Variants in ALDH1A2 observed in about 807,000 individuals in gnomAD.
The protein encoded by ALDH1A2 is retinal dehydrogenase 2.
A neutral mutation model predicts 60.3 loss-of-function variants in ALDH1A2; 27 were observed. The observed-to-expected ratio is 0.45, with a 90% CI of 0.33 to 0.62. The LOEUF is 0.62. Among genes scored for constraint, ALDH1A2 ranks in the 20% least tolerant of loss-of-function variants. ALDH1A2 has a pLI of 0.02. For synonymous variants in ALDH1A2, 289 were observed against 232.4 expected, an observed-to-expected ratio of 1.24 and a Z score of -2.21; for missense variants, 581 against 643.8, an observed-to-expected ratio of 0.90 and a Z score of 1.06.
chr15:58,022,107 C>G (rs1895944542), intron 1 of ALDH1A2, among the ~76,000 whole-genome samples: 1 of 152,120 alleles, frequency 6.6e-6, no homozygotes, highest in Middle Eastern at 3.2e-3. Context: ...CTGCCTAGGG[C>G]CTAAGAATTG....
chr15:58,043,784 T>G (rs1896575019), intron 1 of ALDH1A2, among the ~76,000 whole-genome samples: 1 of 152,020 alleles, frequency 6.6e-6, no homozygotes, highest in Admixed American at 6.6e-5. Flanking sequence ...AAGATCATAC[T>G]TTAACAGCCA....
chr15:57,966,042 C>T (rs552046314), intron 7 of ALDH1A2, among the ~76,000 whole-genome samples: 1 of 152,142 alleles, frequency 6.6e-6, no homozygotes, highest in East Asian at 1.9e-4. Flanking sequence ...GCTTTAGTTT[C>T]GTGATGGAAG....
intron 1 of ALDH1A2, among the ~76,000 whole-genome samples, chr15:58,042,429 A>G (rs1896540001): frequency 6.6e-6 from 1 of 152,002 alleles, no homozygotes; most frequent in Non-Finnish European, 1.5e-5. Context: ...TACATAAGGA[A>G]CAGTAAAATA....
At chr15:58,000,169 G>A (rs1477634497) in intron 4 of ALDH1A2, among the ~76,000 whole-genome samples, 1 of 151,940 alleles carries the variant, frequency 6.6e-6, no homozygotes, top group Admixed American at 6.6e-5. Context: ...GTTTACCTGT[G>A]TAACAAACCT....
chr15:58,050,196 TAAA>T (rs4646573), intron 1 of ALDH1A2, among the ~76,000 whole-genome samples: 2 of 149,092 alleles, frequency 1.3e-5, no homozygotes, highest in Non-Finnish European at 3.0e-5. Flanking sequence ...TTGCTAGGGT[TAAA>T]AAAAAAAAGT....
chr15:58,059,240 A>G (rs1328125624), intron 1 of ALDH1A2, among the ~76,000 whole-genome samples: 2 of 152,248 alleles, frequency 1.3e-5, no homozygotes, highest in African/African-American at 4.8e-5. Flanking sequence ...CATTACAGCA[A>G]TCACCTCTAC....
chr15:57,959,637 G>A (rs1893656410), intron 12 of ALDH1A2, among the ~76,000 whole-genome samples: 1 of 152,014 alleles, frequency 6.6e-6, no homozygotes, highest in Non-Finnish European at 1.5e-5. Context: ...ATCCTCACAA[G>A]AACCCTGAGG....
chr15:58,044,498 C>T (rs1896593375), intron 1 of ALDH1A2, among the ~76,000 whole-genome samples: 1 of 152,126 alleles, frequency 6.6e-6, no homozygotes, highest in South Asian at 2.1e-4. Flanking sequence ...ACAATCAACA[C>T]AGGTGCCAGT....
intron 7 of ALDH1A2, among the ~76,000 whole-genome samples, chr15:57,981,824 A>G (rs1894525512): frequency 6.6e-6 from 1 of 152,240 alleles, no homozygotes; most frequent in Admixed American, 6.5e-5. Flanking sequence ...CACTCTAGAT[A>G]TACTAGCTTT....
At chr15:58,016,779 A>C (rs1413439551) in intron 1 of ALDH1A2, among the ~76,000 whole-genome samples, 1 of 152,168 alleles carries the variant, frequency 6.6e-6, no homozygotes, top group Non-Finnish European at 1.5e-5. Context: ...AAAATTACGA[A>C]ATTGCCTAGA....
chr15:58,020,630 C>T (rs1895900096), intron 1 of ALDH1A2, among the ~76,000 whole-genome samples: 1 of 152,126 alleles, frequency 6.6e-6, no homozygotes, highest in South Asian at 2.1e-4. Flanking sequence ...TAATCCCGTC[C>T]TCCAGCTTGA....
At chr15:57,965,600 G>T in intron 8 of ALDH1A2, 125 bp downstream of exon 8, 1 of 812,782 alleles carries the variant, frequency 1.2e-6, no homozygotes, top group Non-Finnish European at 2.2e-6. Flanking sequence ...TCTCCTTAGA[G>T]GAGATCTTTT....
In ALDH1A2 at chr15:57,964,061, CATAGTCCACTACA is replaced by C; in HGVS notation, c.902-5_909del. ...ACACCCTGGTGGGCCTGCTCCACAG[CATAGTCCACTACA>C]AGAGGAAACAGCCATGTTCTCACCG... On this transcript the variant is annotated splice_acceptor_variant and splice_polypyrimidine_tract_variant and coding_sequence_variant and intron_variant, in exon 9 of 13. Transcript: ENST00000249750. LOFTEE classifies it high-confidence loss of function. 6.2e-7 allele frequency: 1 copy of C among 1,614,046 alleles called. No individual in the cohort carries two copies.
chr15:57,961,120 A>C lies in ALDH1A2; in HGVS notation c.1409+17T>G, dbSNP rs199933233. 100 of 1,613,566 alleles carry C rather than the reference A, an allele frequency of 6.2e-5. No homozygotes were observed. Among genetic ancestry groups the C allele is most frequent in the Non-Finnish European group, 8.3e-5 (98 of 1,179,846 alleles). The stretch of plus-strand genomic sequence containing the variant: ...TACCACCAGTGGAATTTGTTACAAG[A>C]CTGACTCTGATCTTACCAAACAGTC... On this transcript the variant is annotated intron_variant, in intron 11 of 12. Transcript: ENST00000249750.
intron 12 of ALDH1A2, among the ~76,000 whole-genome samples, chr15:57,958,751 T>C (rs2140445884): frequency 6.6e-6 from 1 of 152,324 alleles, no homozygotes; most frequent in Middle Eastern, 3.4e-3. Flanking sequence ...CAGCTTCTTT[T>C]ATTTGAAGCA....
At chr15:58,016,725 A>C (rs1895798738) in intron 1 of ALDH1A2, among the ~76,000 whole-genome samples, 1 of 152,144 alleles carries the variant, frequency 6.6e-6, no homozygotes, top group South Asian at 2.1e-4. Flanking sequence ...ATCATCACTC[A>C]TCAATTATTT....
intron 10 of ALDH1A2, 51 bp downstream of exon 10, chr15:57,961,961 G>T: frequency 6.2e-7 from 1 of 1,608,092 alleles, no homozygotes; most frequent in Non-Finnish European, 8.5e-7. Context: ...AAATGCTCTA[G>T]AAATGATCCC....
In ALDH1A2 at chr15:57,960,864, C is replaced by T. The variant is rs3784263; in HGVS notation, c.1410-20G>A. ...TTGATCCTGAAAGAAGAAAACATAGCACTGTGAGTTCGTGTGAAGTCTGAG... is the reference window on the plus strand; with the variant it reads ...TTGATCCTGAAAGAAGAAAACATAGTACTGTGAGTTCGTGTGAAGTCTGAG... On this transcript the variant is annotated intron_variant, in intron 11 of 12. Coordinates refer to ENST00000249750, the MANE Select transcript of ALDH1A2 (RefSeq NM_003888.4). 685,291 of 1,607,662 alleles carry T rather than the reference C, an allele frequency of 0.43. 151,979 individuals are homozygous for T. The highest frequency in any genetic ancestry group is 0.47 in the Non-Finnish European group (546,594 of 1,174,488).
chr15:58,049,431 A>G (rs1340629329), intron 1 of ALDH1A2, among the ~76,000 whole-genome samples: 1 of 152,136 alleles, frequency 6.6e-6, no homozygotes, highest in Non-Finnish European at 1.5e-5. Context: ...GGATTACTGA[A>G]AAGCCTAACA....
Sources: allele counts gnomAD v4.1 joint callset (sites outside exome capture counted in the v4.1 genomes callset), GRCh38; gene constraint gnomAD v4.1.1; transcripts MANE v1.5; gene names NCBI Gene and HGNC (gene_info 2026-07-23, HGNC 2026-07-21).